Variants in WDFY2 observed in about 807,000 individuals in gnomAD.
The protein encoded by WDFY2 is WD repeat and FYVE domain-containing protein 2.
In WDFY2, 36 loss-of-function variants were observed where a neutral mutation model predicts 56.4. The ratio of observed to expected loss-of-function variants is 0.64; its 90% confidence interval spans 0.49 to 0.84. The LOEUF (loss-of-function observed/expected upper bound fraction) is 0.84, where lower values mean the gene tolerates loss of function less well. Ranked by LOEUF, WDFY2 falls within the 40% of genes least tolerant of loss-of-function variation. The pLI, the probability that WDFY2 is intolerant of heterozygous loss-of-function variation, is 0.00. For missense variants in WDFY2, 444 were observed against 512.2 expected (o/e 0.87, Z 1.29); for synonymous variants, 176 against 183.7 (o/e 0.96, Z 0.34).
chr13:51,632,357 A>G (rs999840649), intron 1 of WDFY2, among the ~76,000 whole-genome samples: 11 of 151,394 alleles, frequency 7.3e-5, no homozygotes, highest in Non-Finnish European at 1.5e-4. Flanking sequence ...TTTTCCCATT[A>G]TTTATTACTT....
At chr13:51,701,786 A>C (rs1031153676) in intron 3 of WDFY2, among the ~76,000 whole-genome samples, 1 of 152,184 alleles carries the variant, frequency 6.6e-6, no homozygotes, top group Non-Finnish European at 1.5e-5. Flanking sequence ...TATATTCAAA[A>C]TAATATGAAC....
chr13:51,648,663 A>G (rs1833355238), intron 1 of WDFY2, among the ~76,000 whole-genome samples: 1 of 152,188 alleles, frequency 6.6e-6, no homozygotes, highest in Admixed American at 6.5e-5. Flanking sequence ...GGTACAGCAG[A>G]CTACCATGGC....
intron 3 of WDFY2, among the ~76,000 whole-genome samples, chr13:51,695,011 A>G (rs1043039362): frequency 2.4e-4 from 36 of 152,202 alleles, no homozygotes; most frequent in African/African-American, 7.9e-4. Context: ...CGTAGTTCTC[A>G]AGCCTTGGCT....
At chr13:51,695,453 A>G (rs1445089723) in intron 3 of WDFY2, among the ~76,000 whole-genome samples, 1 of 152,112 alleles carries the variant, frequency 6.6e-6, no homozygotes, top group African/African-American at 2.4e-5. Context: ...TCCACTCCAG[A>G]CCCTGTTTGC....
intron 1 of WDFY2, among the ~76,000 whole-genome samples, chr13:51,652,764 C>T (rs1297591791): frequency 6.6e-6 from 1 of 152,166 alleles, no homozygotes; most frequent in African/African-American, 2.4e-5. Context: ...GAGTTTGTGC[C>T]GAGAGATCCG....
At position 51,751,427 on chromosome 13, in the gene WDFY2, A is replaced by G; in HGVS notation, c.831+12A>G. On this transcript the variant is annotated intron_variant, in intron 8 of 11. Coordinates refer to ENST00000298125, the MANE Select transcript of WDFY2 (RefSeq NM_052950.4). ...TGGAGAGGCAGGAGGTAGGTGGCAC[A>G]GCAGGGTGGGGTGGGCCCTGTGGTT... 1 of 1,613,352 alleles carries G rather than the reference A, an allele frequency of 6.2e-7. No homozygotes were observed. Among genetic ancestry groups the G allele is most frequent in the Non-Finnish European group, 8.5e-7 (1 of 1,179,404 alleles).
intron 1 of WDFY2, among the ~76,000 whole-genome samples, chr13:51,612,300 G>A (rs1005158931): frequency 1.1e-4 from 16 of 152,000 alleles, no homozygotes; most frequent in African/African-American, 3.9e-4. Flanking sequence ...ACCAAATTTA[G>A]GTATTTATGT....
intron 1 of WDFY2, among the ~76,000 whole-genome samples, chr13:51,617,498 G>A (rs1954640370): frequency 6.6e-6 from 1 of 152,072 alleles, no homozygotes; most frequent in African/African-American, 2.4e-5. Context: ...GTCCTCATCT[G>A]GACATCATGA....
At chr13:51,669,671 G>A (rs1177430378) in intron 2 of WDFY2, among the ~76,000 whole-genome samples, 1 of 152,072 alleles carries the variant, frequency 6.6e-6, no homozygotes, top group Non-Finnish European at 1.5e-5. Flanking sequence ...TAAAAATGTT[G>A]GGGAAAATAT....
intron 6 of WDFY2, among the ~76,000 whole-genome samples, chr13:51,730,214 G>T (rs554154303): frequency 3.9e-5 from 6 of 152,240 alleles, no homozygotes; most frequent in Admixed American, 2.6e-4. Context: ...CTTCCAATTT[G>T]CCTTCCAGCT....
At position 51,638,547 on chromosome 13, in the gene WDFY2, T is replaced by C. The variant is rs150577288; in HGVS notation, c.138-22049T>C. Among the ~76,000 whole-genome samples the C allele has an allele frequency of 5.0e-3, 756 of 152,310 alleles. 5 individuals are homozygous for C. The highest frequency in any genetic ancestry group is 0.014 in the African/African-American group (594 of 41,560). On this transcript the variant is annotated intron_variant, in intron 1 of 11. Coordinates refer to ENST00000298125, the MANE Select transcript of WDFY2 (RefSeq NM_052950.4). The stretch of plus-strand genomic sequence containing the variant: ...ATAGAATGATTGAGCTTCCGTGCAG[T>C]GTAGTCCCTCAAAGACGAAAAGAAA...
intron 1 of WDFY2, chr13:51,585,933 T>G (rs948944456): frequency 1.5e-5 from 6 of 398,044 alleles, no homozygotes; most frequent in African/African-American, 6.2e-5. Context: ...ATGTCTTAGG[T>G]TCTTCAGTAT....
chr13:51,759,760 C>A lies in WDFY2; in HGVS notation c.1194C>A (p.Val398=). 1.2e-6 allele frequency: 2 copies of A among 1,613,874 alleles called. No homozygotes were observed. Among genetic ancestry groups the A allele is most frequent in the South Asian group, 1.1e-5 (1 of 91,020 alleles). The change falls in exon 12 of 12, where the codon GTC becomes GTA. Residue 398 remains valine (V), a synonymous_variant. Coordinates refer to ENST00000298125, the MANE Select transcript of WDFY2 (RefSeq NM_052950.4). ...KVIKLWDMTP[V]VS ...TGCAGTTGTGGGATATGACCCCAGTCGTGTCTTGATGACTCTCCCAGGAAT... is the reference window on the plus strand; with the variant it reads ...TGCAGTTGTGGGATATGACCCCAGTAGTGTCTTGATGACTCTCCCAGGAAT...
intron 1 of WDFY2, among the ~76,000 whole-genome samples, chr13:51,622,470 C>T (rs1047880254): frequency 1.3e-5 from 2 of 152,228 alleles, no homozygotes; most frequent in African/African-American, 4.8e-5. Flanking sequence ...AACACACATT[C>T]ACAGCATTTT....
Position 51,716,794 on chromosome 13 carries a change from C to A in WDFY2, c.335-2404C>A, listed in dbSNP as rs1344798868. Among the ~76,000 whole-genome samples the A allele has an allele frequency of 2.3e-3, 262 of 114,540 alleles. 2 individuals carry two copies. The highest frequency in any genetic ancestry group is 5.8e-3 in the African/African-American group (183 of 31,796). The allele number at this position is 114,540 out of a possible 152,430, so 75.1% of individuals were successfully genotyped here. On this transcript the variant is annotated intron_variant, in intron 4 of 11. Transcript: ENST00000298125. The stretch of plus-strand genomic sequence containing the variant: ...TCTCTCATGAAAAAAAAAAAAAAAA[C>A]TAGCAAATTGACCCCAACCATATAT...
chr13:51,628,020 T>A (rs963418859), intron 1 of WDFY2, among the ~76,000 whole-genome samples: 1 of 152,140 alleles, frequency 6.6e-6, no homozygotes, highest in Non-Finnish European at 1.5e-5. Flanking sequence ...TAAGTTCTCG[T>A]TTTGGGCCCC....
intron 1 of WDFY2, among the ~76,000 whole-genome samples, chr13:51,585,428 G>T (rs543489847): frequency 2.6e-5 from 4 of 152,332 alleles, no homozygotes; most frequent in Non-Finnish European, 5.9e-5. Context: ...TCGAGGAGAA[G>T]CGCGTAGAAC....
chr13:51,698,976 A>G (rs868190374), intron 3 of WDFY2, among the ~76,000 whole-genome samples: 5 of 152,220 alleles, frequency 3.3e-5, no homozygotes, highest in Non-Finnish European at 4.4e-5. Flanking sequence ...GCAATAGACA[A>G]AAAGAACCAA....
chr13:51,648,621 G>A (rs374492663), intron 1 of WDFY2, among the ~76,000 whole-genome samples: 8 of 151,828 alleles, frequency 5.3e-5, no homozygotes, highest in African/African-American at 1.9e-4. Flanking sequence ...CAATTTTGGG[G>A]CTAGGGGAGG....
Sources: allele counts gnomAD v4.1 joint callset (sites outside exome capture counted in the v4.1 genomes callset), GRCh38; gene constraint gnomAD v4.1.1; transcripts MANE v1.5; gene names NCBI Gene and HGNC (gene_info 2026-07-23, HGNC 2026-07-21).